Variants in CACNA1S observed in about 807,000 individuals in gnomAD.
The protein encoded by CACNA1S is voltage-dependent L-type calcium channel subunit alpha-1S.
A neutral mutation model predicts 207.4 loss-of-function variants in CACNA1S; 126 were observed. The observed-to-expected ratio is 0.61, with a 90% CI of 0.53 to 0.70. The LOEUF is 0.70. CACNA1S is among the 30% of genes least tolerant of loss of function. CACNA1S has a pLI of 0.00. For missense variants in CACNA1S, 2,349 were observed against 2,422.8 expected, an observed-to-expected ratio of 0.97 and a Z score of 0.64; for synonymous variants, 960 against 932.7, an observed-to-expected ratio of 1.03 and a Z score of -0.53.
chr1:201,074,918 C>A (rs1164383002), intron 13 of CACNA1S, among the ~76,000 whole-genome samples: 1 of 152,202 alleles, frequency 6.6e-6, no homozygotes, highest in African/African-American at 2.4e-5. Flanking sequence ...GAGACCCATG[C>A]GAGGCACACA....
At position 201,085,493 on chromosome 1, in the gene CACNA1S, C is replaced by A; in HGVS notation, c.1093G>T (p.Gly365Cys). The change falls in exon 8 of 44, where the codon GGC (glycine) becomes TGC (cysteine). Residue 365 changes from glycine (G) to cysteine (C), a missense_variant. By Grantham distance (159) the Gly-to-Cys change is radical. Coordinates refer to ENST00000362061, the MANE Select transcript of CACNA1S (RefSeq NM_000069.3). ...CCCTGCGTGATCCAGCTCATGTAGC[C>A]CCGAAGGTCCTCATCTAGTTGCTGC... ...EKQQLDEDLR[G>C]YMSWITQGEV... The A allele has an allele frequency of 1.9e-6, 3 of 1,613,068 alleles. No individual in the cohort carries two copies. Among genetic ancestry groups the A allele is most frequent in the Non-Finnish European group, 2.5e-6 (3 of 1,179,888 alleles).
intron 2 of CACNA1S, among the ~76,000 whole-genome samples, chr1:201,095,169 T>C (rs79573815): frequency 1.9e-3 from 281 of 150,908 alleles, no homozygotes; most frequent in Middle Eastern, 3.4e-3. Context: ...TATATATATA[T>C]ACACACATAC....
chr1:201,110,072 G>T, intron 2 of CACNA1S, 92 bp downstream of exon 2: 2 of 1,174,902 alleles, frequency 1.7e-6, no homozygotes, highest in Non-Finnish European at 2.6e-6. Context: ...TGAACCACCG[G>T]CACCATCCCC....
chr1:201,074,975 C>T (rs1661554702), intron 13 of CACNA1S, among the ~76,000 whole-genome samples: 1 of 152,166 alleles, frequency 6.6e-6, no homozygotes, highest in Admixed American at 6.5e-5. Context: ...CCCATAGTAT[C>T]ACATTCCAAG....
chr1:201,109,076 C>T (rs1663004479), intron 2 of CACNA1S, among the ~76,000 whole-genome samples: 1 of 152,086 alleles, frequency 6.6e-6, no homozygotes, highest in Non-Finnish European at 1.5e-5. Context: ...GGCGAAACCC[C>T]ATCTCAACTA....
At chr1:201,044,231 C>T (rs1005776752) in intron 39 of CACNA1S, 97 bp downstream of exon 39, 2 of 1,495,430 alleles carry the variant, frequency 1.3e-6, no homozygotes, top group Admixed American at 1.7e-5. Flanking sequence ...GCTCCCATGT[C>T]CCCCTCTCGT....
chr1:201,077,765 A>C (rs1661680944), intron 11 of CACNA1S, 114 bp downstream of exon 11: 1 of 676,014 alleles, frequency 1.5e-6, no homozygotes, highest in Admixed American at 2.5e-5. Context: ...TGGGCAAGGG[A>C]CCAGTGGTGA....
At chr1:201,069,386 A>G in intron 18 of CACNA1S, 86 bp downstream of exon 18, 39 of 1,560,178 alleles carry the variant, frequency 2.5e-5, no homozygotes, top group Non-Finnish European at 3.3e-5. Flanking sequence ...TTGTAGCCAC[A>G]TAGAGGATAC....
chr1:201,063,536 G>T (rs542124728), intron 22 of CACNA1S, among the ~76,000 whole-genome samples: 1 of 152,214 alleles, frequency 6.6e-6, no homozygotes, highest in South Asian at 2.1e-4. Context: ...TGATCCGCCC[G>T]CCTCGGCTTC....
chr1:201,072,187 C>T (rs1045761154), intron 16 of CACNA1S, among the ~76,000 whole-genome samples: 5 of 152,176 alleles, frequency 3.3e-5, no homozygotes, highest in Non-Finnish European at 7.3e-5. Context: ...GGGATTTCTG[C>T]AGCAGTCACT....
intron 34 of CACNA1S, 90 bp downstream of exon 34, chr1:201,050,299 T>A: frequency 1.4e-6 from 2 of 1,389,108 alleles, no homozygotes; most frequent in Non-Finnish European, 2.0e-6. Context: ...AGCCCACTCA[T>A]ACTGAATAAA....
chr1:201,074,652 G>T, intron 13 of CACNA1S, 32 bp from the exon 14 acceptor site: 1 of 1,409,494 alleles, frequency 7.1e-7, no homozygotes, highest in Non-Finnish European at 1.0e-6. Flanking sequence ...GCCTTTGGTT[G>T]TAGGTGGAAG....
intron 13 of CACNA1S, among the ~76,000 whole-genome samples, chr1:201,075,181 C>A (rs1418979850): frequency 6.6e-6 from 1 of 152,320 alleles, no homozygotes; most frequent in South Asian, 2.1e-4. Flanking sequence ...GGCTGTCCCA[C>A]CATCTTCATG....
chr1:201,065,506 C>A (rs113098582), intron 22 of CACNA1S, among the ~76,000 whole-genome samples: 1 of 152,146 alleles, frequency 6.6e-6, no homozygotes, highest in Non-Finnish European at 1.5e-5. Context: ...AGAGATGGGG[C>A]TTGAATTGTA....
At chr1:201,058,222 T>C (rs1160575289) in intron 28 of CACNA1S, among the ~76,000 whole-genome samples, 186 bp downstream of exon 28, 1 of 152,232 alleles carries the variant, frequency 6.6e-6, no homozygotes, top group Non-Finnish European at 1.5e-5. Flanking sequence ...CCCCCTGGTA[T>C]CTGAGTTACC....
intron 9 of CACNA1S, 44 bp from the exon 10 acceptor site, chr1:201,083,366 T>TGG (rs1184989533): frequency 6.2e-7 from 1 of 1,603,970 alleles, no homozygotes; most frequent in African/African-American, 1.3e-5. Flanking sequence ...TGTGCTGTTC[T>TGG]ACGCCCCACC....
intron 12 of CACNA1S, 107 bp from the exon 13 acceptor site, chr1:201,075,722 C>A: frequency 7.9e-7 from 1 of 1,264,722 alleles, no homozygotes; most frequent in Non-Finnish European, 1.1e-6. Context: ...TTCTCTCAGA[C>A]CTTCCCTCTT....
chr1:201,082,169 C>T (rs10920112), intron 10 of CACNA1S, among the ~76,000 whole-genome samples: 36,371 of 151,776 alleles, frequency 0.24, 5,816 homozygotes, highest in Non-Finnish European at 0.37. Flanking sequence ...GCTGGGACTA[C>T]GGGTGCATGC....
Position 201,069,178 on chromosome 1 carries a change from T to C in CACNA1S, c.2509A>G (p.Ile837Val). The C allele has an allele frequency of 5.0e-6, 8 of 1,614,100 alleles. No individual in the cohort carries two copies. Among genetic ancestry groups the C allele is most frequent in the African/African-American group, 1.3e-5 (1 of 75,054 alleles). Residue 837 changes from isoleucine to valine, a missense_variant, in exon 19 of 44, where the codon ATC becomes GTC. By Grantham distance (29) the Ile-to-Val change is conservative. Coordinates refer to ENST00000362061, the MANE Select transcript of CACNA1S (RefSeq NM_000069.3). ...MRNQILKHFD[I>V]GFTSVFTVEI... is the part of the protein sequence containing the mutation. ...ACAGTGAAGACAGAGGTGAACCCGA[T>C]GTCAAAGTGTTTAAGGATCTGGGGA...
Sources: gnomAD v4.1 joint callset for allele counts (sites outside exome capture counted in the v4.1 genomes callset) on GRCh38, gnomAD v4.1.1 for gene constraint, MANE v1.5 for transcripts, NCBI Gene and HGNC (gene_info 2026-07-23, HGNC 2026-07-21) for gene names.